Variants in RBFOX1 observed in about 807,000 individuals in gnomAD.
The protein encoded by RBFOX1 is RNA binding protein fox-1 homolog 1.
RBFOX1 carries 8 observed loss-of-function variants against 57.7 expected under a neutral mutation model. That is an observed-to-expected ratio of 0.14 (90% CI 0.08 to 0.25). The LOEUF is 0.25. RBFOX1 is among the 10% of genes least tolerant of loss of function. RBFOX1 has a pLI of 1.00. For missense variants in RBFOX1, 611 were observed against 548.5 expected, an observed-to-expected ratio of 1.11 and a Z score of -1.14; for synonymous variants, 326 against 222.4, an observed-to-expected ratio of 1.47 and a Z score of -4.15.
chr16:7,446,512 C>T (rs375378131), intron 4 of RBFOX1, among the ~76,000 whole-genome samples: 1 of 152,144 alleles, frequency 6.6e-6, no homozygotes, highest in Non-Finnish European at 1.5e-5. Flanking sequence ...TTGGAAGAAG[C>T]AAGAAGGTTG....
In RBFOX1 at chr16:5,952,005, G is replaced by A. The variant is rs143872559; in HGVS notation, c.351+84670G>A. On this transcript the variant is annotated intron_variant, in intron 4 of 19. Transcript: ENST00000641259. Reference sequence around the variant, plus strand: ...CTCGCATATATATATATGTGTGTGTGTATATATATATGCACACACACACAT... The same window carrying A: ...CTCGCATATATATATATGTGTGTGTATATATATATATGCACACACACACAT... Among the ~76,000 whole-genome samples the A allele has an allele frequency of 2.3e-4, 35 of 149,678 alleles. 1 individual carries two copies. In the East Asian group the frequency reaches 5.3e-3, roughly 23 times the overall value.
At chr16:5,454,744 T>TCTTTTCTTTCTTTCC (rs1555523976) in intron 1 of RBFOX1, among the ~76,000 whole-genome samples, 2 of 118,654 alleles carry the variant, frequency 1.7e-5, no homozygotes, top group East Asian at 4.3e-4. Context: ...TCTTTCTTTC[T>TCTTTTCTTTCTTTCC]TTTTCTTTTC....
intron 1 of RBFOX1, among the ~76,000 whole-genome samples, chr16:6,050,775 C>T (rs2095544147): frequency 1.3e-5 from 2 of 151,882 alleles, no homozygotes; most frequent in South Asian, 4.2e-4. Context: ...AGGAAAAATG[C>T]TTGATTTTCT....
chr16:6,928,356 A>G lies in RBFOX1; in HGVS notation c.-15-123701A>G, dbSNP rs576137782. ...CGGGGCGGGGAAAGAAAAGAGGAAA[A>G]GAGAATCCTGATTTCTGGAGCCAAC... On this transcript the variant is annotated intron_variant, in intron 3 of 15. Coordinates refer to ENST00000550418, the MANE Select transcript of RBFOX1 (RefSeq NM_018723.4). 9.8e-5 allele frequency among the ~76,000 whole-genome samples: 15 copies of G among 152,288 alleles called. No individual in the cohort carries two copies. In the East Asian group the frequency reaches 2.9e-3, roughly 29 times the overall value.
chr16:7,529,935 G>A (rs898593070), intron 5 of RBFOX1, among the ~76,000 whole-genome samples: 3 of 150,244 alleles, frequency 2.0e-5, no homozygotes, highest in Non-Finnish European at 2.9e-5. Context: ...CTTGAATGCA[G>A]GAGGCGGAGG....
At chr16:5,888,752 G>A (rs961771915) in intron 4 of RBFOX1, among the ~76,000 whole-genome samples, 19 of 147,720 alleles carry the variant, frequency 1.3e-4, no homozygotes, top group African/African-American at 2.3e-4. Context: ...GGTTGCGATC[G>A]TGCCACTGCA....
At chr16:6,959,909 C>T (rs894548089) in intron 3 of RBFOX1, among the ~76,000 whole-genome samples, 2 of 152,118 alleles carry the variant, frequency 1.3e-5, no homozygotes, top group African/African-American at 2.4e-5. Context: ...GCACTCTAGC[C>T]TGGGCGACAA....
chr16:6,407,706 CA>C (rs2093336624), intron 2 of RBFOX1, among the ~76,000 whole-genome samples: 1 of 152,002 alleles, frequency 6.6e-6, no homozygotes, highest in African/African-American at 2.4e-5. Flanking sequence ...GAATGAATTG[CA>C]ATTGTGGTAA....
chr16:6,194,596 T>A (rs2097167969), intron 1 of RBFOX1, among the ~76,000 whole-genome samples: 1 of 152,156 alleles, frequency 6.6e-6, no homozygotes, highest in Non-Finnish European at 1.5e-5. Flanking sequence ...GGCCTGAAAA[T>A]GTCTACTTAT....
chr16:6,810,027 C>CT (rs71145299), intron 3 of RBFOX1, among the ~76,000 whole-genome samples: 24,247 of 142,532 alleles, frequency 0.17, 2,568 homozygotes, highest in East Asian at 0.4. Context: ...TCTCTCTCAC[C>CT]TTTTTTTTTT....
At chr16:6,701,613 G>T (rs902793754) in intron 3 of RBFOX1, among the ~76,000 whole-genome samples, 1 of 152,042 alleles carries the variant, frequency 6.6e-6, no homozygotes, top group African/African-American at 2.4e-5. Context: ...GGAGGTGCCA[G>T]GCTCTTTATA....
At chr16:6,069,398 C>CAA (rs34337622) in intron 1 of RBFOX1, among the ~76,000 whole-genome samples, 5,750 of 113,746 alleles carry the variant, frequency 0.051, 305 homozygotes, top group African/African-American at 0.15. Flanking sequence ...AACTCTGCCT[C>CAA]AAAAAAAAAA....
intron 3 of RBFOX1, among the ~76,000 whole-genome samples, chr16:6,938,437 T>C (rs578243735): frequency 6.6e-6 from 1 of 152,316 alleles, no homozygotes; most frequent in African/African-American, 2.4e-5. Flanking sequence ...GTTGCTGTTG[T>C]TATTTTTGTT....
chr16:7,567,151 CTATATATATATCCA>C, intron 5 of RBFOX1, among the ~76,000 whole-genome samples: 1 of 61,182 alleles, frequency 1.6e-5, no homozygotes, highest in Admixed American at 1.4e-4. Flanking sequence ...ATATATATCC[CTATATATATATCCA>C]TATATATATC....
chr16:5,703,321 A>G (rs1324162834), intron 3 of RBFOX1, among the ~76,000 whole-genome samples: 1 of 152,190 alleles, frequency 6.6e-6, no homozygotes, highest in African/African-American at 2.4e-5. Context: ...AAAGATGTAT[A>G]AGAATTGGCC....
chr16:6,270,473 A>C (rs964375995), intron 1 of RBFOX1, among the ~76,000 whole-genome samples: 7 of 151,858 alleles, frequency 4.6e-5, no homozygotes, highest in African/African-American at 1.2e-4. Flanking sequence ...AAAAAAAAAA[A>C]AACAACTAGA....
chr16:6,698,932 C>T (rs1367539923), intron 3 of RBFOX1, among the ~76,000 whole-genome samples: 1 of 152,092 alleles, frequency 6.6e-6, no homozygotes, highest in Non-Finnish European at 1.5e-5. Flanking sequence ...TGAATGTGTC[C>T]ATAGCGTACG....
Position 6,914,064 on chromosome 16 carries a change from C to T in RBFOX1, c.-15-137993C>T, listed in dbSNP as rs137912061. Among the ~76,000 whole-genome samples the T allele has an allele frequency of 2.6e-5, 4 of 152,260 alleles. No individual in the cohort carries two copies. In the East Asian group the frequency reaches 7.7e-4, roughly 29 times the overall value. On this transcript the variant is annotated intron_variant, in intron 3 of 15. Transcript: ENST00000550418. ...AGTGTTGCATTCTGGGTTAGAAACC[C>T]ATCTTTTGTTTTATGTCTAATCTAT...
intron 4 of RBFOX1, among the ~76,000 whole-genome samples, chr16:7,323,828 G>A (rs2096576320): frequency 6.6e-6 from 1 of 152,218 alleles, no homozygotes; most frequent in South Asian, 2.1e-4. Context: ...AAGAGAAGAA[G>A]CCAAAAGCCT....
Sources: allele counts gnomAD v4.1 joint callset (sites outside exome capture counted in the v4.1 genomes callset), GRCh38; gene constraint gnomAD v4.1.1; transcripts MANE v1.5; gene names NCBI Gene and HGNC (gene_info 2026-07-23, HGNC 2026-07-21).